Variants in AVEN observed in about 807,000 individuals in gnomAD.
The protein encoded by AVEN is cell death regulator Aven.
Under a neutral mutation model 38.1 loss-of-function variants are expected in AVEN, and 41 were observed. The observed-to-expected ratio is 1.08, with a 90% CI of 0.84 to 1.40. The LOEUF (loss-of-function observed/expected upper bound fraction) is 1.40. AVEN is among the 40% of genes most tolerant of loss of function. AVEN has a pLI of 0.00. For missense variants in AVEN, 605 were observed against 438.8 expected, an observed-to-expected ratio of 1.38 and a Z score of -3.38; for synonymous variants, 206 against 171.8, an observed-to-expected ratio of 1.20 and a Z score of -1.56.
At chr15:33,941,167 C>A (rs1300066662) in intron 2 of AVEN, among the ~76,000 whole-genome samples, 5 of 152,154 alleles carry the variant, frequency 3.3e-5, no homozygotes, top group African/African-American at 9.7e-5. Context: ...TGTTAACACC[C>A]TTTCTTCACA....
intron 2 of AVEN, among the ~76,000 whole-genome samples, chr15:33,961,154 T>A (rs557953929): frequency 2.6e-5 from 4 of 151,674 alleles, no homozygotes; most frequent in Non-Finnish European, 5.9e-5. Flanking sequence ...GTACACACCA[T>A]CATGCCTGGA....
At chr15:33,900,603 A>G (rs10163143) in intron 2 of AVEN, among the ~76,000 whole-genome samples, 93,502 of 151,284 alleles carry the variant, frequency 0.62, 29,505 homozygotes, top group Middle Eastern at 0.72. Context: ...CACCATGCCT[A>G]GCCAATTTAG....
chr15:33,909,327 A>G (rs947930304), intron 2 of AVEN, among the ~76,000 whole-genome samples: 7 of 152,214 alleles, frequency 4.6e-5, no homozygotes, highest in African/African-American at 1.7e-4. Context: ...GCAGGGAGAA[A>G]AAACAAACAA....
At chr15:33,875,415 C>T (rs1891177255) in intron 3 of AVEN, among the ~76,000 whole-genome samples, 2 of 152,126 alleles carry the variant, frequency 1.3e-5, no homozygotes, top group Admixed American at 6.5e-5. Context: ...TACATACACA[C>T]AAAGAAAATA....
chr15:33,979,642 C>G (rs147301169), intron 2 of AVEN, among the ~76,000 whole-genome samples: 1 of 152,176 alleles, frequency 6.6e-6, no homozygotes, highest in East Asian at 1.9e-4. Context: ...AGATTTGGAC[C>G]AAATGTTATC....
At chr15:33,897,559 C>G (rs1465574602) in intron 2 of AVEN, among the ~76,000 whole-genome samples, 1 of 152,060 alleles carries the variant, frequency 6.6e-6, no homozygotes, top group African/African-American at 2.4e-5. Flanking sequence ...CATAAGCCAC[C>G]GCGCCCGGCC....
At chr15:33,999,880 C>A (rs1268908456) in intron 2 of AVEN, among the ~76,000 whole-genome samples, 3 of 152,164 alleles carry the variant, frequency 2.0e-5, no homozygotes, top group Non-Finnish European at 4.4e-5. Context: ...CTCTTCAAAC[C>A]CTCCGCTGGT....
In AVEN at chr15:34,008,945, T is replaced by TGC. The variant is rs71119911; in HGVS notation, c.268-5738_268-5737dup. 1.1e-3 allele frequency among the ~76,000 whole-genome samples: 164 copies of TGC among 149,024 alleles called. 1 individual carries two copies. Among genetic ancestry groups the TGC allele is most frequent in the South Asian group, 1.1e-3 (5 of 4,710 alleles). On this transcript the variant is annotated intron_variant, in intron 1 of 5. Coordinates refer to ENST00000306730, the MANE Select transcript of AVEN (RefSeq NM_020371.3). ...TAAAATTAAAACACACACTCACACGTGCGCGCGCGCACACACACACACACA... is the reference window on the plus strand; with the variant it reads ...TAAAATTAAAACACACACTCACACGTGCGCGCGCGCGCACACACACACACACA...
chr15:34,052,325 T>C (rs945724537), intron 5 of AVEN, among the ~76,000 whole-genome samples: 1 of 151,976 alleles, frequency 6.6e-6, no homozygotes, highest in African/African-American at 2.4e-5. Flanking sequence ...CTGAATAAGC[T>C]AGGTATTTAA....
intron 2 of AVEN, among the ~76,000 whole-genome samples, chr15:33,909,858 G>C (rs1447094642): frequency 1.3e-5 from 2 of 151,934 alleles, no homozygotes; most frequent in African/African-American, 4.9e-5. Flanking sequence ...GCCGGGCACG[G>C]TGGCTCATGT....
chr15:34,039,064 T>A lies in AVEN; in HGVS notation c.-18A>T, dbSNP rs567393546. The A allele has an allele frequency of 7.3e-6, 8 of 1,092,092 alleles. No homozygotes were observed. In the East Asian group the frequency reaches 4.7e-4, roughly 65 times the overall value. The allele number at this position is 1,092,092 out of a possible 1,614,324, so 67.7% of individuals were successfully genotyped here. On this transcript the variant is annotated 5_prime_UTR_variant, in exon 1 of 6. Coordinates refer to ENST00000306730, the MANE Select transcript of AVEN (RefSeq NM_020371.3). Reference sequence around the variant, plus strand: ...GCCTGCATCTGGCCGCCGCTGGCGGTGCTGAGCGCGCGGGAGCCGAGCTGC... The same window carrying A: ...GCCTGCATCTGGCCGCCGCTGGCGGAGCTGAGCGCGCGGGAGCCGAGCTGC...
intron 1 of AVEN, among the ~76,000 whole-genome samples, chr15:34,021,408 C>A (rs1898194475): frequency 6.6e-6 from 1 of 151,930 alleles, no homozygotes; most frequent in African/African-American, 2.4e-5. Context: ...GCCTCAGCCT[C>A]CTGAGTAGCT....
chr15:33,918,669 G>C (rs539958514), intron 2 of AVEN, among the ~76,000 whole-genome samples: 1 of 151,664 alleles, frequency 6.6e-6, no homozygotes. Context: ...TGGCCAGGCC[G>C]GTCTTGAACT....
intron 2 of AVEN, among the ~76,000 whole-genome samples, chr15:33,886,089 T>A (rs765863210): frequency 1.3e-5 from 2 of 152,192 alleles, no homozygotes; most frequent in Non-Finnish European, 2.9e-5. Flanking sequence ...TCTGGCTGCA[T>A]GTAACAAAGA....
At chr15:33,970,017 T>C (rs189466757) in intron 2 of AVEN, among the ~76,000 whole-genome samples, 91 of 152,132 alleles carry the variant, frequency 6.0e-4, no homozygotes, top group East Asian at 1.9e-3. Flanking sequence ...ATGAGTTTCA[T>C]TGGAAAACTT....
At chr15:33,901,192 G>C (rs1046117355) in intron 2 of AVEN, among the ~76,000 whole-genome samples, 1 of 152,156 alleles carries the variant, frequency 6.6e-6, no homozygotes, top group African/African-American at 2.4e-5. Context: ...GTGTGAACCC[G>C]GGAGGCGGAG....
intron 2 of AVEN, among the ~76,000 whole-genome samples, chr15:33,963,946 A>G (rs763794040): frequency 4.6e-5 from 7 of 152,198 alleles, no homozygotes; most frequent in Non-Finnish European, 8.8e-5. Context: ...TACAGAGAGT[A>G]TTAGTGGGGC....
intron 2 of AVEN, among the ~76,000 whole-genome samples, chr15:33,986,075 C>T (rs1321024617): frequency 6.7e-6 from 1 of 149,582 alleles, no homozygotes; most frequent in African/African-American, 2.5e-5. Context: ...TTGTGAAAAC[C>T]TCACATTTCA....
intron 4 of AVEN, among the ~76,000 whole-genome samples, chr15:33,868,825 A>G (rs2153033949): frequency 6.6e-6 from 1 of 152,254 alleles, no homozygotes; most frequent in Admixed American, 6.5e-5. Context: ...ACAATATTCT[A>G]AGTCTTTATC....
Sources: allele counts gnomAD v4.1 joint callset (sites outside exome capture counted in the v4.1 genomes callset), GRCh38; gene constraint gnomAD v4.1.1; transcripts MANE v1.5; gene names NCBI Gene and HGNC (gene_info 2026-07-23, HGNC 2026-07-21).